The following SGMS1 variants were observed in gnomAD, a reference collection of about 807,000 sequenced individuals.
SGMS1 encodes the protein phosphatidylcholine:ceramide cholinephosphotransferase 1.
Under a neutral mutation model 46.2 loss-of-function variants are expected in SGMS1, and 13 were observed. The ratio of observed to expected loss-of-function variants is 0.28; its 90% CI spans 0.18 to 0.45. The LOEUF is 0.45. Ranked by LOEUF, SGMS1 falls within the 20% of genes least tolerant of loss-of-function variation. The pLI, the probability that SGMS1 is intolerant of heterozygous loss-of-function variation, is 1.00. For synonymous variants in SGMS1, 203 were observed against 187.8 expected (o/e 1.08, Z -0.66); for missense variants, 324 against 519.9 (o/e 0.62, Z 3.66).
chr10:50,327,529 G>A (rs546296644), intron 7 of SGMS1, among the ~76,000 whole-genome samples: 1 of 152,274 alleles, frequency 6.6e-6, no homozygotes, highest in Admixed American at 6.5e-5. Context: ...TATATTAACT[G>A]GCCAAAAGTG....
chr10:50,445,737 G>A (rs1312642335), intron 5 of SGMS1, among the ~76,000 whole-genome samples: 1 of 152,178 alleles, frequency 6.6e-6, no homozygotes, highest in East Asian at 1.9e-4. Context: ...ATGAAATCTG[G>A]GCACCTTGAA....
In SGMS1 at chr10:50,418,101, T is replaced by C. The variant is rs1849201601; in HGVS notation, c.-232+15375A>G. The C allele has an allele frequency of 2.0e-5, 3 of 152,202 alleles. No homozygotes were observed. The South Asian group carries it at 6.2e-4, about 31-fold the overall frequency. 9.4% of individuals were successfully genotyped at this position (152,202 alleles called of 1,614,324 possible). ...CCGGAGGCAGTGTCTCCTGGAAAGTTCCTGGGGCACCAAGTTTGCGCGCGG... is the reference window on the plus strand; with the variant it reads ...CCGGAGGCAGTGTCTCCTGGAAAGTCCCTGGGGCACCAAGTTTGCGCGCGG... On this transcript the variant is annotated intron_variant, in intron 6 of 10. Coordinates refer to ENST00000361781, the MANE Select transcript of SGMS1 (RefSeq NM_147156.4).
At chr10:50,334,064 A>G (rs554598564) in intron 7 of SGMS1, among the ~76,000 whole-genome samples, 11 of 152,328 alleles carry the variant, frequency 7.2e-5, no homozygotes, top group African/African-American at 2.2e-4. Context: ...CAGACTTTGA[A>G]TCAGCTGCTC....
intron 1 of SGMS1, among the ~76,000 whole-genome samples, chr10:50,600,475 G>C (rs1838639171): frequency 6.6e-6 from 1 of 152,154 alleles, no homozygotes; most frequent in Admixed American, 6.5e-5. Context: ...AATACAAATA[G>C]AAGGTGTTAT....
chr10:50,394,674 C>A (rs575601639), intron 6 of SGMS1, among the ~76,000 whole-genome samples: 2 of 152,156 alleles, frequency 1.3e-5, no homozygotes, highest in African/African-American at 4.8e-5. Flanking sequence ...TAAATAACTG[C>A]CTTTGCCTTT....
intron 5 of SGMS1, among the ~76,000 whole-genome samples, chr10:50,449,590 G>T (rs1051009311): frequency 6.6e-6 from 1 of 152,106 alleles, no homozygotes; most frequent in Non-Finnish European, 1.5e-5. Flanking sequence ...TTACTTAGAT[G>T]TTGCCTTCTC....
intron 2 of SGMS1, among the ~76,000 whole-genome samples, chr10:50,543,551 G>A (rs1838074484): frequency 6.6e-6 from 1 of 152,238 alleles, no homozygotes; most frequent in African/African-American, 2.4e-5. Flanking sequence ...GCAGGCCAAG[G>A]GAACCCTGAA....
At chr10:50,463,774 CA>C (rs1837296273) in intron 4 of SGMS1, among the ~76,000 whole-genome samples, 2 of 152,168 alleles carry the variant, frequency 1.3e-5, no homozygotes, top group Admixed American at 1.3e-4. Context: ...GGACGCAACC[CA>C]CACATCCAAT....
intron 2 of SGMS1, among the ~76,000 whole-genome samples, chr10:50,578,069 A>G (rs1838400775): frequency 6.6e-6 from 1 of 152,268 alleles, no homozygotes; most frequent in African/African-American, 2.4e-5. Context: ...AGATCATGAA[A>G]TAATCCAAGG....
At chr10:50,581,795 C>A (rs995552095) in intron 2 of SGMS1, among the ~76,000 whole-genome samples, 5 of 152,180 alleles carry the variant, frequency 3.3e-5, no homozygotes, top group African/African-American at 1.2e-4. Context: ...GACACCACAT[C>A]CTCCATCTAA....
intron 6 of SGMS1, among the ~76,000 whole-genome samples, chr10:50,396,849 C>T (rs369706702): frequency 3.3e-5 from 5 of 152,250 alleles, no homozygotes; most frequent in African/African-American, 1.2e-4. Context: ...GCTAGGTCCC[C>T]TCCCCTCAAT....
At chr10:50,603,965 T>G (rs543504735) in intron 1 of SGMS1, among the ~76,000 whole-genome samples, 45 of 151,480 alleles carry the variant, frequency 3.0e-4, no homozygotes, top group Admixed American at 1.4e-3. Context: ...TTTATTCTAG[T>G]AGGAGTTACA....
chr10:50,332,913 T>G (rs911991748), intron 7 of SGMS1, among the ~76,000 whole-genome samples: 2 of 152,196 alleles, frequency 1.3e-5, no homozygotes, highest in Non-Finnish European at 2.9e-5. Context: ...TGAATCCCAC[T>G]GCCAAGGGCA....
intron 2 of SGMS1, among the ~76,000 whole-genome samples, chr10:50,531,225 T>G (rs916112898): frequency 6.6e-6 from 1 of 152,240 alleles, no homozygotes; most frequent in Non-Finnish European, 1.5e-5. Context: ...AATCTTGCTA[T>G]CACCCATGTG....
intron 6 of SGMS1, among the ~76,000 whole-genome samples, chr10:50,385,835 T>C (rs1456267065): frequency 6.6e-6 from 1 of 152,188 alleles, no homozygotes; most frequent in African/African-American, 2.4e-5. Context: ...ACAAAAGGCA[T>C]TCATGCTTGA....
intron 4 of SGMS1, among the ~76,000 whole-genome samples, chr10:50,464,658 T>C (rs546076774): frequency 1.3e-5 from 2 of 152,372 alleles, no homozygotes; most frequent in East Asian, 3.9e-4. Context: ...GGTCTTGAAC[T>C]CCTGACTTCA....
intron 6 of SGMS1, among the ~76,000 whole-genome samples, chr10:50,358,108 C>T (rs939616807): frequency 6.6e-6 from 1 of 152,062 alleles, no homozygotes; most frequent in African/African-American, 2.4e-5. Flanking sequence ...AGTGAGACAA[C>T]ATCTCTATTT....
intron 8 of SGMS1, among the ~76,000 whole-genome samples, chr10:50,322,555 G>T (rs1005882307): frequency 3.0e-4 from 46 of 152,118 alleles, no homozygotes; most frequent in Admixed American, 3.0e-3. Context: ...AAGAGGGGCC[G>T]GGCGCGGTGG....
chr10:50,607,338 A>G (rs1379658562), intron 1 of SGMS1, among the ~76,000 whole-genome samples: 1 of 152,116 alleles, frequency 6.6e-6, no homozygotes, highest in African/African-American at 2.4e-5. Context: ...TAACAATATT[A>G]AAGAGCATGC....
Sources: gnomAD v4.1 joint callset for allele counts (sites outside exome capture counted in the v4.1 genomes callset) on GRCh38, gnomAD v4.1.1 for gene constraint, MANE v1.5 for transcripts, NCBI Gene and HGNC (gene_info 2026-07-23, HGNC 2026-07-21) for gene names.